ZFPM2: variants seen among roughly 807,000 people sequenced by gnomAD.
The protein encoded by ZFPM2 is zinc finger protein, FOG family member 2.
Under a neutral mutation model 98.6 loss-of-function variants are expected in ZFPM2, and 20 were observed. That is an observed-to-expected ratio of 0.20 (90% CI 0.14 to 0.29). ZFPM2 has a LOEUF of 0.29. Among genes scored for constraint, ZFPM2 ranks in the 10% least tolerant of loss-of-function variants. ZFPM2 has a pLI of 1.00. For synonymous variants in ZFPM2, 518 were observed against 502.7 expected (o/e 1.03, Z -0.41); for missense variants, 1,310 against 1,388.6 (o/e 0.94, Z 0.90).
intron 5 of ZFPM2, chr8:105,662,470 C>T (rs372309073): frequency 6.6e-6 from 1 of 151,810 alleles, no homozygotes; most frequent in African/African-American, 2.4e-5. Flanking sequence ...AAAATAATAC[C>T]GTATATATCA....
chr8:105,450,623 G>A (rs1249783242), intron 3 of ZFPM2, among the ~76,000 whole-genome samples: 4 of 152,030 alleles, frequency 2.6e-5, no homozygotes, highest in African/African-American at 9.7e-5. Context: ...GAAGATAAGA[G>A]CTCTGTACCA....
At chr8:105,520,023 A>T (rs923862870) in intron 3 of ZFPM2, among the ~76,000 whole-genome samples, 3 of 152,086 alleles carry the variant, frequency 2.0e-5, no homozygotes, top group Non-Finnish European at 4.4e-5. Context: ...GATAACCTGA[A>T]TTTTTTGATA....
chr8:105,504,675 A>G (rs1409940258), intron 3 of ZFPM2, among the ~76,000 whole-genome samples: 1 of 152,192 alleles, frequency 6.6e-6, no homozygotes, highest in South Asian at 2.1e-4. Context: ...TTGAGGATCA[A>G]TGTGTAGATT....
intron 5 of ZFPM2, among the ~76,000 whole-genome samples, chr8:105,775,718 G>A (rs900096894): frequency 1.3e-5 from 2 of 152,106 alleles, no homozygotes; most frequent in African/African-American, 4.8e-5. Context: ...GTTGGTCAGG[G>A]AGCCAGACAG....
chr8:105,757,506 C>G (rs1812630486), intron 5 of ZFPM2, among the ~76,000 whole-genome samples: 2 of 152,096 alleles, frequency 1.3e-5, no homozygotes, highest in Non-Finnish European at 2.9e-5. Flanking sequence ...GCTTCCACAT[C>G]CAGGACAAAA....
At chr8:105,344,445 A>G (rs1006377218) in intron 1 of ZFPM2, among the ~76,000 whole-genome samples, 12 of 152,184 alleles carry the variant, frequency 7.9e-5, no homozygotes, top group Non-Finnish European at 1.6e-4. Context: ...TCCTTCTGCC[A>G]CAATTCAGAA....
intron 4 of ZFPM2, among the ~76,000 whole-genome samples, chr8:105,564,129 C>G (rs1179453627): frequency 6.6e-6 from 1 of 151,804 alleles, no homozygotes; most frequent in African/African-American, 2.4e-5. Context: ...TTTAATAGTT[C>G]TATATGACTG....
At chr8:105,391,740 C>T (rs997564621) in intron 1 of ZFPM2, among the ~76,000 whole-genome samples, 4 of 152,208 alleles carry the variant, frequency 2.6e-5, no homozygotes, top group Non-Finnish European at 5.9e-5. Flanking sequence ...AATTCAGTCA[C>T]ATCTTCAGGA....
intron 3 of ZFPM2, among the ~76,000 whole-genome samples, chr8:105,466,053 T>A (rs1031832300): frequency 6.6e-6 from 1 of 152,040 alleles, no homozygotes; most frequent in Non-Finnish European, 1.5e-5. Context: ...ATAGCTGATA[T>A]TAAAGACAAT....
intron 5 of ZFPM2, among the ~76,000 whole-genome samples, chr8:105,655,571 G>A (rs1363497518): frequency 6.6e-6 from 1 of 151,798 alleles, no homozygotes; most frequent in Admixed American, 6.6e-5. Context: ...GTTGAATGGC[G>A]GACAATGCTT....
At chr8:105,363,747 A>T (rs1810451781) in intron 1 of ZFPM2, among the ~76,000 whole-genome samples, 1 of 152,030 alleles carries the variant, frequency 6.6e-6, no homozygotes, top group Admixed American at 6.6e-5. Context: ...AGTTTGGGGA[A>T]ACTTAGGAAT....
Position 105,802,770 on chromosome 8 carries a change from G to A in ZFPM2, c.2688G>A (p.Pro896=), listed in dbSNP as rs1434631824. Reference sequence around the variant, plus strand: ...GTCAACTGGACGGCAAAGTGTTTCCGAATCCAGAAAGCGAACGAAACAGCC... The same window carrying A: ...GTCAACTGGACGGCAAAGTGTTTCCAAATCCAGAAAGCGAACGAAACAGCC... ...DLGQLDGKVF[P]NPESERNSPD... is the part of the protein sequence containing the mutation. The change falls in exon 8 of 8, where the codon CCG becomes CCA. Residue 896 remains proline, a synonymous_variant. Transcript: ENST00000407775. 3.7e-6 allele frequency: 6 copies of A among 1,613,410 alleles called. No homozygotes were observed. The Admixed American group carries it at 6.7e-5, about 18-fold the overall frequency.
chr8:105,695,558 T>G (rs1433691810), intron 5 of ZFPM2, among the ~76,000 whole-genome samples: 1 of 152,114 alleles, frequency 6.6e-6, no homozygotes, highest in Non-Finnish European at 1.5e-5. Context: ...GGATGATTAT[T>G]AGAGTTGGAT....
chr8:105,340,639 A>C (rs1241982911), intron 1 of ZFPM2, among the ~76,000 whole-genome samples: 1 of 151,860 alleles, frequency 6.6e-6, no homozygotes, highest in Non-Finnish European at 1.5e-5. Context: ...CTAATTAATA[A>C]ATTTATTTTG....
At chr8:105,726,878 G>C (rs574971701) in intron 5 of ZFPM2, among the ~76,000 whole-genome samples, 1 of 151,750 alleles carries the variant, frequency 6.6e-6, no homozygotes, top group East Asian at 2.0e-4. Context: ...GGGGAATTAT[G>C]AATAAACACT....
chr8:105,582,809 G>T (rs186360867), intron 4 of ZFPM2, among the ~76,000 whole-genome samples: 1 of 152,184 alleles, frequency 6.6e-6, no homozygotes, highest in Admixed American at 6.5e-5. Context: ...GCCCCAATTG[G>T]TTTCAAACTC....
At chr8:105,456,144 A>ATTTTTTT (rs1812584786) in intron 3 of ZFPM2, among the ~76,000 whole-genome samples, 1 of 131,310 alleles carries the variant, frequency 7.6e-6, no homozygotes, top group Admixed American at 7.9e-5. Flanking sequence ...AACCAGGAAA[A>ATTTTTTT]TGTTTTTTTT....
chr8:105,362,483 G>A (rs1432607489), intron 1 of ZFPM2, among the ~76,000 whole-genome samples: 1 of 151,330 alleles, frequency 6.6e-6, no homozygotes, highest in African/African-American at 2.5e-5. Context: ...TGTGATGATA[G>A]CAGGCTCTTC....
At chr8:105,661,688 T>G (rs1817391798) in intron 5 of ZFPM2, among the ~76,000 whole-genome samples, 1 of 152,108 alleles carries the variant, frequency 6.6e-6, no homozygotes, top group Non-Finnish European at 1.5e-5. Flanking sequence ...CTGTGATTTT[T>G]TTTTTTCCAT....
Sources: allele counts gnomAD v4.1 joint callset (sites outside exome capture counted in the v4.1 genomes callset), GRCh38; gene constraint gnomAD v4.1.1; transcripts MANE v1.5; gene names NCBI Gene and HGNC (gene_info 2026-07-23, HGNC 2026-07-21).